Variants in HS3ST5 observed in about 807,000 individuals in gnomAD.
HS3ST5 encodes the protein heparan sulfate-glucosamine 3-sulfotransferase 5.
In HS3ST5, 10 loss-of-function variants were observed where a neutral mutation model predicts 25.4. That is an observed-to-expected ratio of 0.39 (90% CI 0.24 to 0.67). The LOEUF is 0.67. Among genes scored for constraint, HS3ST5 ranks in the 30% least tolerant of loss-of-function variants. The probability of loss-of-function intolerance (pLI) is 0.44; values close to 1 mark genes in which losing one functional copy is unlikely to be tolerated. For missense variants in HS3ST5, 324 were observed against 420.7 expected (o/e 0.77, Z 2.01); for synonymous variants, 170 against 162.4 (o/e 1.05, Z -0.36).
intron 1 of HS3ST5, among the ~76,000 whole-genome samples, chr6:114,249,621 T>A (rs990092921): frequency 1.3e-5 from 2 of 152,102 alleles, no homozygotes; most frequent in Admixed American, 1.3e-4. Context: ...GTACGACCCC[T>A]CCCCAGGGGT....
At chr6:114,238,448 A>C (rs1771957370) in intron 1 of HS3ST5, among the ~76,000 whole-genome samples, 1 of 152,178 alleles carries the variant, frequency 6.6e-6, no homozygotes, top group African/African-American at 2.4e-5. Context: ...AAAGAAGAAT[A>C]GGAAAAAAAT....
intron 1 of HS3ST5, among the ~76,000 whole-genome samples, chr6:114,273,884 C>A (rs1444570782): frequency 6.6e-6 from 1 of 151,538 alleles, no homozygotes; most frequent in Admixed American, 6.6e-5. Flanking sequence ...TAGAAAAGTT[C>A]TACTCTAAAA....
At chr6:114,207,916 T>C (rs1158417289) in intron 2 of HS3ST5, among the ~76,000 whole-genome samples, 1 of 152,190 alleles carries the variant, frequency 6.6e-6, no homozygotes, top group Non-Finnish European at 1.5e-5. Context: ...AGTTTGTGCA[T>C]ATATCTACTC....
At chr6:114,265,793 T>C (rs1281217784) in intron 1 of HS3ST5, among the ~76,000 whole-genome samples, 2 of 152,176 alleles carry the variant, frequency 1.3e-5, no homozygotes, top group African/African-American at 4.8e-5. Context: ...GGTTCTTTTC[T>C]GTCCTTTCTG....
chr6:114,159,400 C>T (rs780608986), intron 3 of HS3ST5, among the ~76,000 whole-genome samples: 9 of 151,926 alleles, frequency 5.9e-5, no homozygotes, highest in East Asian at 1.9e-4. Context: ...ATGTACTGTG[C>T]GACAATGAGA....
chr6:114,077,352 G>GGAAA (rs1282379576), intron 3 of HS3ST5, among the ~76,000 whole-genome samples: 2 of 152,108 alleles, frequency 1.3e-5, no homozygotes, highest in African/African-American at 4.8e-5. Flanking sequence ...CACTGGTATA[G>GGAAA]GTAACTAATG....
chr6:114,084,470 C>T, intron 3 of HS3ST5: 1 of 757,498 alleles, frequency 1.3e-6, no homozygotes, highest in Non-Finnish European at 2.4e-6. Context: ...GGCATGACCT[C>T]CCGCGGGTAT....
chr6:114,070,023 GA>G (rs1436959699), intron 3 of HS3ST5, among the ~76,000 whole-genome samples: 5 of 152,032 alleles, frequency 3.3e-5, no homozygotes, highest in Admixed American at 6.6e-5. Flanking sequence ...GGAGATTTCT[GA>G]GATTTTAGTG....
At position 114,286,958 on chromosome 6, in the gene HS3ST5, AAT is replaced by A. The variant is rs777228782; in HGVS notation, c.-339+55235_-339+55236del. ...GCATTAAGAAGAAAGGTAAAAATGA[AAT>A]AAAAATTAGAATGGTACAGAGTAGT... is the stretch of plus-strand genomic sequence containing the variant. On this transcript the variant is annotated intron_variant, in intron 1 of 4. Transcript: ENST00000312719. 7.9e-5 allele frequency among the ~76,000 whole-genome samples: 12 copies of A among 152,100 alleles called. No homozygotes were observed. The East Asian group carries it at 1.7e-3, about 22-fold the overall frequency.
intron 1 of HS3ST5, among the ~76,000 whole-genome samples, chr6:114,302,574 T>C (rs1775125511): frequency 6.6e-6 from 1 of 152,170 alleles, no homozygotes; most frequent in Non-Finnish European, 1.5e-5. Flanking sequence ...ACAAACATTT[T>C]AGGGAGCAGA....
intron 3 of HS3ST5, among the ~76,000 whole-genome samples, chr6:114,096,886 A>C (rs1288875316): frequency 6.6e-6 from 1 of 152,144 alleles, no homozygotes; most frequent in African/African-American, 2.4e-5. Flanking sequence ...GTTTGTACAA[A>C]GCCTGAAAAA....
At chr6:114,275,992 T>C (rs1485104807) in intron 1 of HS3ST5, among the ~76,000 whole-genome samples, 1 of 152,002 alleles carries the variant, frequency 6.6e-6, no homozygotes, top group East Asian at 2.0e-4. Flanking sequence ...CCCATTTCCA[T>C]GCCCCTTGCC....
intron 1 of HS3ST5, among the ~76,000 whole-genome samples, chr6:114,335,947 C>T (rs903835638): frequency 6.6e-5 from 10 of 152,118 alleles, no homozygotes; most frequent in Admixed American, 3.3e-4. Flanking sequence ...CCACCGCGCC[C>T]GGCCCCAAAA....
chr6:114,237,631 G>A (rs1250541892), intron 1 of HS3ST5, among the ~76,000 whole-genome samples: 1 of 152,164 alleles, frequency 6.6e-6, no homozygotes, highest in African/African-American at 2.4e-5. Flanking sequence ...TGGAACCTGA[G>A]CTGAGAGTCA....
At chr6:114,152,797 G>A (rs749490728) in intron 3 of HS3ST5, among the ~76,000 whole-genome samples, 2 of 152,150 alleles carry the variant, frequency 1.3e-5, no homozygotes, top group African/African-American at 2.4e-5. Flanking sequence ...TCTCTACTGC[G>A]AGGGATGTAA....
Position 114,194,554 on chromosome 6 carries a change from G to C in HS3ST5, c.-144-26092C>G, listed in dbSNP as rs1780651496. ...GCTGGCCCTCCCTTTTGTGGTTTTG[G>C]CACAACAGCCAACCAGCATTTCTTC... is the stretch of plus-strand genomic sequence containing the variant. On this transcript the variant is annotated intron_variant, in intron 2 of 4. Transcript: ENST00000312719. 2.0e-5 allele frequency among the ~76,000 whole-genome samples: 3 copies of C among 152,132 alleles called. No homozygotes were observed. In the South Asian group the frequency reaches 6.2e-4, roughly 32 times the overall value.
At chr6:114,329,857 A>G (rs1315176855) in intron 1 of HS3ST5, among the ~76,000 whole-genome samples, 1 of 152,218 alleles carries the variant, frequency 6.6e-6, no homozygotes, top group African/African-American at 2.4e-5. Context: ...TTCTGAATAC[A>G]GTACATTATT....
In HS3ST5 at chr6:114,162,572, G is replaced by A. The variant is rs536265717; in HGVS notation, c.-33+5779C>T. Among the ~76,000 whole-genome samples the A allele has an allele frequency of 3.9e-5, 6 of 152,276 alleles. No homozygotes were observed. The South Asian group carries it at 1.0e-3, about 26-fold the overall frequency. On this transcript the variant is annotated intron_variant, in intron 3 of 4. Transcript: ENST00000312719. ...TGATGTCACTCCCCTGCTCAAAAGT[G>A]TACAATGACTCCCTATCACTTGGAG... is the stretch of plus-strand genomic sequence containing the variant.
At chr6:114,070,990 A>G (rs1773788028) in intron 3 of HS3ST5, among the ~76,000 whole-genome samples, 1 of 152,180 alleles carries the variant, frequency 6.6e-6, no homozygotes, top group East Asian at 1.9e-4. Context: ...ACTGGATCAC[A>G]TCATCTCCAG....
Sources: gnomAD v4.1 joint callset for allele counts (sites outside exome capture counted in the v4.1 genomes callset) on GRCh38, gnomAD v4.1.1 for gene constraint, MANE v1.5 for transcripts, NCBI Gene and HGNC (gene_info 2026-07-23, HGNC 2026-07-21) for gene names.